SOX3: variants seen among roughly 807,000 people sequenced by gnomAD.
The protein encoded by SOX3 is SRY-box transcription factor 3.
In SOX3, 2 loss-of-function variants were observed where a neutral mutation model predicts 4.6. The ratio of observed to expected loss-of-function variants is 0.43; its 90% CI spans 0.18 to 1.36. SOX3 has a LOEUF of 1.36. SOX3 is among the 40% of genes most tolerant of loss of function. The pLI is 0.28. For synonymous variants in SOX3, 244 were observed against 215.9 expected (o/e 1.13, Z -1.14); for missense variants, 326 against 441.9 (o/e 0.74, Z 2.35).
At position 140,503,120 on chromosome X, in the gene SOX3, CA is replaced by C. The variant is rs1217236761; in HGVS notation, c.*599del. ...CGAAGAAATATCAAACAGATCACGG[CA>C]GAAATCACCAACTCAACATGATTGG... On this transcript the variant is annotated 3_prime_UTR_variant, in exon 1 of 1. Coordinates refer to ENST00000370536, the MANE Select transcript of SOX3 (RefSeq NM_005634.3). The C allele has an allele frequency of 8.9e-6, 1 of 111,813 alleles. No homozygotes were observed. The highest frequency in any genetic ancestry group is 3.3e-5 in the African/African-American group (1 of 30,622). 9.2% of individuals were successfully genotyped at this position (111,813 alleles called of 1,213,427 possible).
In SOX3 at chrX:140,503,683, G is replaced by C; in HGVS notation, c.*37C>G. On this transcript the variant is annotated 3_prime_UTR_variant, in exon 1 of 1. Transcript: ENST00000370536. ...GGGTGCGGGGCGGGAGTGGGGGTGG[G>C]GGTGGGGAACAAGGGTGGACGAGCG... 1 of 1,141,987 alleles carries C rather than the reference G, an allele frequency of 8.8e-7. No individual in the cohort carries two copies. Among genetic ancestry groups the C allele is most frequent in the Non-Finnish European group, 1.2e-6 (1 of 863,887 alleles). The allele number at this position is 1,141,987 out of a possible 1,213,427, so 94.1% of individuals were successfully genotyped here.
At position 140,504,695 on chromosome X, in the gene SOX3, G is replaced by A; in HGVS notation, c.366C>T (p.Gly122=). The change falls in exon 1 of 1, where the codon GGC becomes GGT. Residue 122 remains glycine, a synonymous_variant. Transcript: ENST00000370536. The stretch of plus-strand genomic sequence containing the variant: ...CACCTCCGCTCGCACCACCGCTGCT[G>A]CCGCCGCCCGAGTTCGCGCCGCCGG... ...NAAGGANSGG[G]SSGGASGGGG... 8.3e-7 allele frequency: 1 copy of A among 1,205,635 alleles called. No individual in the cohort carries two copies. Among genetic ancestry groups the A allele is most frequent in the African/African-American group, 1.7e-5 (1 of 57,749 alleles).
chrX:140,505,048 G>C lies in SOX3; in HGVS notation c.13C>G (p.Arg5Gly), dbSNP rs1927357510. 3.3e-6 allele frequency: 4 copies of C among 1,205,430 alleles called. No individual in the cohort carries two copies. Among genetic ancestry groups the C allele is most frequent in the South Asian group, 1.8e-5 (1 of 55,840 alleles). ...CTTCTCGCACCTGATGAGTTCTCTC[G>C]AACAGGTCGCATTCACAGTCTGCCT... The part of the protein sequence containing the change: MRPV[R>G]ENSSGARSPR... The change falls in exon 1 of 1, where the codon CGA becomes GGA. Residue 5 changes from arginine (R) to glycine (G), a missense_variant. Physicochemically the swap from Arg to Gly is moderately radical, Grantham distance 125 (BLOSUM62 -2). This residue lies in a region of SOX3 where 56 missense variants were observed against 43.3 expected (regional missense o/e 1.29). Coordinates refer to ENST00000370536, the MANE Select transcript of SOX3 (RefSeq NM_005634.3).
chrX:140,503,620 C>A lies in SOX3; in HGVS notation c.*100G>T. ...CCCATCATCGGTACAAGGCAACAGT[C>A]CCAGGCAAGCAAAGCTAAACAAGGC... On this transcript the variant is annotated 3_prime_UTR_variant, in exon 1 of 1. Coordinates refer to ENST00000370536, the MANE Select transcript of SOX3 (RefSeq NM_005634.3). 1 of 916,210 alleles carries A rather than the reference C, an allele frequency of 1.1e-6. No homozygotes were observed. The highest frequency in any genetic ancestry group is 1.5e-6 in the Non-Finnish European group (1 of 673,161). 75.5% of individuals were successfully genotyped at this position (916,210 alleles called of 1,213,427 possible).
In SOX3 at chrX:140,503,715, G is replaced by A. The variant is rs755021946; in HGVS notation, c.*5C>T. On this transcript the variant is annotated 3_prime_UTR_variant, in exon 1 of 1. Coordinates refer to ENST00000370536, the MANE Select transcript of SOX3 (RefSeq NM_005634.3). ...GAACAAGGGTGGACGAGCGCAGGCCGGTGCTCAGATGTGGGTCAGCGGCAC... is the reference window on the plus strand; with the variant it reads ...GAACAAGGGTGGACGAGCGCAGGCCAGTGCTCAGATGTGGGTCAGCGGCAC... 3.1e-5 allele frequency: 36 copies of A among 1,171,164 alleles called. No homozygotes were observed. The highest frequency in any genetic ancestry group is 4.7e-5 in the Admixed American group (2 of 42,120).
In SOX3 at chrX:140,504,946, G is replaced by T. The variant is rs748181923; in HGVS notation, c.115C>A (p.Pro39Thr). The change falls in exon 1 of 1, where the codon CCC becomes ACC. Residue 39 changes from proline (P) to threonine (T), a missense_variant. Transcript: ENST00000370536. The stretch of plus-strand genomic sequence containing the variant: ...GACTCCGTCGGAGCGGAGCTTGGGG[G>T]CCTGTGGGCCAGCGAGTCCGGCGGG... Reference protein sequence around the residue: ...PFPPDSLAHRPPSSAPTESQG... With the variant: ...PFPPDSLAHRTPSSAPTESQG... The T allele has an allele frequency of 3.3e-6, 4 of 1,204,758 alleles. No individual in the cohort carries two copies. The highest frequency in any genetic ancestry group is 4.5e-6 in the Non-Finnish European group (4 of 892,309).
chrX:140,504,282 G>A lies in SOX3; in HGVS notation c.779C>T (p.Thr260Met). ...SPVGVGQRLD[T>M]YTHVNGWANG... Reference sequence around the variant, plus strand: ...GGCCCAGCCGTTCACGTGCGTGTACGTGTCCAGGCGCTGGCCCACGCCCAC... The same window carrying A: ...GGCCCAGCCGTTCACGTGCGTGTACATGTCCAGGCGCTGGCCCACGCCCAC... Residue 260 changes from threonine (T) to methionine (M), a missense_variant, in exon 1 of 1, where the codon ACG (threonine) becomes ATG (methionine). Physicochemically the swap from Thr to Met is moderately conservative, Grantham distance 81. Transcript: ENST00000370536. 1 of 1,098,807 alleles carries A rather than the reference G, an allele frequency of 9.1e-7. No homozygotes were observed. Among genetic ancestry groups the A allele is most frequent in the East Asian group, 3.8e-5 (1 of 26,177 alleles). 90.6% of individuals were successfully genotyped at this position (1,098,807 alleles called of 1,213,427 possible).
rs905004427 is a variant in SOX3 at position 140,504,211 on chromosome X, G to A, written c.850C>T (p.Pro284Ser). Residue 284 changes from proline to serine, a missense_variant, in exon 1 of 1, where the codon CCC becomes TCC. Physicochemically the swap from Pro to Ser is moderately conservative, Grantham distance 74 (BLOSUM62 -1). Around this residue, in one of 6 missense-constraint regions of SOX3, gnomAD observed 78 missense variants for 70.3 expected, o/e 1.11. Coordinates refer to ENST00000370536, the MANE Select transcript of SOX3 (RefSeq NM_005634.3). Reference protein sequence around the residue: ...LVQEQLGYAQPPSMSSPPPPP... With the variant: ...LVQEQLGYAQSPSMSSPPPPP... ...GGCGGCGGGCTGCTCATGCTCGGGG[G>A]CTGCGCGTAGCCCAGCTGCTCCTGC... The A allele has an allele frequency of 3.6e-6, 4 of 1,099,507 alleles. No homozygotes were observed. The highest frequency in any genetic ancestry group is 3.8e-5 in the African/African-American group (2 of 52,309). 90.6% of individuals were successfully genotyped at this position (1,099,507 alleles called of 1,213,427 possible). A position where few individuals can be genotyped will look rare whatever the true frequency, so the allele number is the denominator to read the frequency against.
In SOX3 at chrX:140,504,146, G is replaced by C. The variant is rs755200355; in HGVS notation, c.915C>G (p.Ala305=). Reference sequence around the variant, plus strand: ...GCATCATTGGGCTGTACTGCAGGCCGGCCATGTCGTAGCGGTGCATCGGCG... The same window carrying C: ...GCATCATTGGGCTGTACTGCAGGCCCGCCATGTCGTAGCGGTGCATCGGCG... ...ALPPMHRYDM[A]GLQYSPMMPP... The change falls in exon 1 of 1, where the codon GCC becomes GCG. Residue 305 remains alanine, a synonymous_variant. Coordinates refer to ENST00000370536, the MANE Select transcript of SOX3 (RefSeq NM_005634.3). 5 of 1,061,738 alleles carry C rather than the reference G, an allele frequency of 4.7e-6. No homozygotes were observed. The Admixed American group carries it at 1.0e-4, about 22-fold the overall frequency. 87.5% of individuals were successfully genotyped at this position (1,061,738 alleles called of 1,213,427 possible).
In SOX3 at chrX:140,505,020, G is replaced by A; in HGVS notation, c.41C>T (p.Pro14Leu). Residue 14 changes from proline to leucine, a missense_variant, in exon 1 of 1, where the codon CCG becomes CTG. Transcript: ENST00000370536. ...VRENSSGARS[P>L]RVPADLARSI... is the part of the protein sequence containing the mutation. The stretch of plus-strand genomic sequence containing the variant: ...CCGCGCCAAATCAGCAGGAACCCGC[G>A]GGCTTCTCGCACCTGATGAGTTCTC... 1 of 1,208,692 alleles carries A rather than the reference G, an allele frequency of 8.3e-7. No individual in the cohort carries two copies. Among genetic ancestry groups the A allele is most frequent in the Non-Finnish European group, 1.1e-6 (1 of 894,353 alleles).
In SOX3 at chrX:140,504,674, T is replaced by G; in HGVS notation, c.387A>C (p.Gly129=). Residue 129 remains glycine, a synonymous_variant, in exon 1 of 1, where the codon GGA becomes GGC. Coordinates refer to ENST00000370536, the MANE Select transcript of SOX3 (RefSeq NM_005634.3). ...SGGGSSGGAS[G]GGGGTDQDRV... ...GGTCCTGGTCTGTACCCCCGCCACC[T>G]CCGCTCGCACCACCGCTGCTGCCGC... 1 of 1,208,416 alleles carries G rather than the reference T, an allele frequency of 8.3e-7. No homozygotes were observed. The highest frequency in any genetic ancestry group is 1.1e-6 in the Non-Finnish European group (1 of 893,276).
At position 140,503,508 on chromosome X, in the gene SOX3, G is replaced by C. The variant is rs1360828476; in HGVS notation, c.*212C>G. Reference sequence around the variant, plus strand: ...AGGAGCAGCGGCGTGGGGCAAGAGAGCTCTCTAGAAGTCCCATTTTCGCTG... The same window carrying C: ...AGGAGCAGCGGCGTGGGGCAAGAGACCTCTCTAGAAGTCCCATTTTCGCTG... On this transcript the variant is annotated 3_prime_UTR_variant, in exon 1 of 1. Coordinates refer to ENST00000370536, the MANE Select transcript of SOX3 (RefSeq NM_005634.3). 2.1e-5 allele frequency: 8 copies of C among 382,268 alleles called. No homozygotes were observed. The highest frequency in any genetic ancestry group is 3.6e-5 in the Non-Finnish European group (8 of 221,523). 31.5% of individuals were successfully genotyped at this position (382,268 alleles called of 1,213,427 possible). A position where few individuals can be genotyped will look rare whatever the true frequency, so the allele number is the denominator to read the frequency against.
rs1411732528 is a variant in SOX3, at chrX:140,503,982, G to A, written c.1079C>T (p.Ala360Val). Residue 360 changes from alanine (A) to valine (V), a missense_variant, in exon 1 of 1, where the codon GCG becomes GTG. Ala to Val is a moderately conservative substitution (Grantham distance 64). Around this residue, in one of 6 missense-constraint regions of SOX3, gnomAD observed 64 missense variants for 104.5 expected, o/e 0.61. Transcript: ENST00000370536. ...QQPATAAAAAAAAAAMSLGPM... is the reference protein window; with the variant it reads ...QQPATAAAAAVAAAAMSLGPM... ...GCCCAGGCTCATGGCGGCTGCGGCC[G>A]CAGCTGCGGCCGCGGCGGTGGCGGG... The A allele has an allele frequency of 1.9e-6, 2 of 1,026,073 alleles. No individual in the cohort carries two copies. Among genetic ancestry groups the A allele is most frequent in the Non-Finnish European group, 2.5e-6 (2 of 808,292 alleles). 84.6% of individuals were successfully genotyped at this position (1,026,073 alleles called of 1,213,427 possible).
chrX:140,504,458 C>T lies in SOX3; in HGVS notation c.603G>A (p.Lys201=), dbSNP rs138530785. The part of the protein sequence containing the change: ...EAKRLRAVHM[K]EYPDYKYRPR... ...GTCGGTACTTGTAGTCCGGATACTC[C>T]TTCATGTGCACGGCGCGAAGTCGCT... Residue 201 remains lysine, a synonymous_variant, in exon 1 of 1, where the codon AAG becomes AAA. Coordinates refer to ENST00000370536, the MANE Select transcript of SOX3 (RefSeq NM_005634.3). The T allele has an allele frequency of 4.1e-4, 492 of 1,210,132 alleles. 2 individuals are homozygous for T. The highest frequency in any genetic ancestry group is 4.0e-3 in the African/African-American group (228 of 57,297).
chrX:140,504,070 A>C lies in SOX3; in HGVS notation c.991T>G (p.Ser331Ala). The change falls in exon 1 of 1, where the codon TCG becomes GCG. Residue 331 changes from serine (S) to alanine (A), a missense_variant. Physicochemically the swap from Ser to Ala is moderately conservative, Grantham distance 99. Around this residue, in one of 6 missense-constraint regions of SOX3, gnomAD observed 78 missense variants for 70.3 expected, o/e 1.11. Transcript: ENST00000370536. ...GAGGGCGCCATGCCCCCGTAGCCCG[A>C]GGCGGCGGCGGCCGCGGCAGCGACG... ...MNVAAAAAAA[S>A]GYGGMAPSAT... 1 of 989,090 alleles carries C rather than the reference A, an allele frequency of 1.0e-6. No homozygotes were observed. Among genetic ancestry groups the C allele is most frequent in the Non-Finnish European group, 1.3e-6 (1 of 785,633 alleles). 81.5% of individuals were successfully genotyped at this position (989,090 alleles called of 1,213,427 possible).
rs766740874 is a variant in SOX3 at position 140,504,519 on chromosome X, G to C, written c.542C>G (p.Thr181Ser). The C allele has an allele frequency of 1.6e-6, 2 of 1,212,472 alleles. No homozygotes were observed. Among genetic ancestry groups the C allele is most frequent in the Admixed American group, 2.2e-5 (1 of 46,183 alleles). ...GATGAATGGTCGCTTCTCGGCGTCG[G>C]TCAGCAGTTTCCAGTCGGCGCCCAA... is the stretch of plus-strand genomic sequence containing the variant. ...KRLGADWKLL[T>S]DAEKRPFIDE... Residue 181 changes from threonine (T) to serine (S), a missense_variant, in exon 1 of 1, where the codon ACC becomes AGC. Thr to Ser is a moderately conservative substitution (Grantham distance 58). Around this residue, in one of 6 missense-constraint regions of SOX3, gnomAD observed 6 missense variants for 47.0 expected, o/e 0.13. Coordinates refer to ENST00000370536, the MANE Select transcript of SOX3 (RefSeq NM_005634.3).
Position 140,503,707 on chromosome X carries a change from C to A in SOX3, c.*13G>T, listed in dbSNP as rs1602672257. On this transcript the variant is annotated 3_prime_UTR_variant, in exon 1 of 1. Coordinates refer to ENST00000370536, the MANE Select transcript of SOX3 (RefSeq NM_005634.3). Reference sequence around the variant, plus strand: ...GGGGTGGGGAACAAGGGTGGACGAGCGCAGGCCGGTGCTCAGATGTGGGTC... The same window carrying A: ...GGGGTGGGGAACAAGGGTGGACGAGAGCAGGCCGGTGCTCAGATGTGGGTC... 2 of 1,165,296 alleles carry A rather than the reference C, an allele frequency of 1.7e-6. No individual in the cohort carries two copies. The highest frequency in any genetic ancestry group is 2.3e-6 in the Non-Finnish European group (2 of 877,850).
At position 140,503,984 on chromosome X, in the gene SOX3, AGCTGCG is replaced by A; in HGVS notation, c.1071_1076del (p.Ala363_Ala364del). On this transcript the variant is annotated inframe_deletion, in exon 1 of 1. Transcript: ENST00000370536. ...CCAGGCTCATGGCGGCTGCGGCCGC[AGCTGCG>A]GCCGCGGCGGTGGCGGGCTGCTGCC... 1 of 1,017,301 alleles carries A rather than the reference AGCTGCG, an allele frequency of 9.8e-7. No homozygotes were observed. Among genetic ancestry groups the A allele is most frequent in the Non-Finnish European group, 1.2e-6 (1 of 803,663 alleles). The allele number at this position is 1,017,301 out of a possible 1,213,427, so 83.8% of individuals were successfully genotyped here.
At position 140,504,055 on chromosome X, in the gene SOX3, T is replaced by A. The variant is rs1387584167; in HGVS notation, c.1006A>T (p.Met336Leu). ...GCGGCTGCTGTGGCTGAGGGCGCCA[T>A]GCCCCCGTAGCCCGAGGCGGCGGCG... ...AAAAASGYGG[M>L]APSATAAAAA... The change falls in exon 1 of 1, where the codon ATG becomes TTG. Residue 336 changes from methionine (M) to leucine (L), a missense_variant. By Grantham distance (15) the Met-to-Leu change is conservative (BLOSUM62 2). Transcript: ENST00000370536. 5.1e-6 allele frequency: 5 copies of A among 971,527 alleles called. No individual in the cohort carries two copies. The highest frequency in any genetic ancestry group is 6.4e-6 in the Non-Finnish European group (5 of 777,326). The allele number at this position is 971,527 out of a possible 1,213,427, so 80.1% of individuals were successfully genotyped here. A position where few individuals can be genotyped will look rare whatever the true frequency, so the allele number is the denominator to read the frequency against.
Sources: allele counts gnomAD v4.1 joint callset, GRCh38; gene constraint gnomAD v4.1.1; regional missense constraint gnomAD v4.1.1; transcripts MANE v1.5; gene names NCBI Gene and HGNC (gene_info 2026-07-23, HGNC 2026-07-21).